The following GPD2 variants were observed in gnomAD, a reference collection of about 807,000 sequenced individuals.
GPD2 encodes the protein glycerol-3-phosphate dehydrogenase 2.
A neutral mutation model predicts 82.4 loss-of-function variants in GPD2; 54 were observed. The observed-to-expected ratio is 0.66, with a 90% confidence interval of 0.53 to 0.82. GPD2 has a LOEUF of 0.82. GPD2 is among the 40% of genes least tolerant of loss of function. The pLI is 0.00. For missense variants in GPD2, 748 were observed against 896.2 expected (o/e 0.83, Z 2.11); for synonymous variants, 288 against 306.1 (o/e 0.94, Z 0.62).
intron 3 of GPD2, among the ~76,000 whole-genome samples, chr2:156,502,175 AATCAAGG>A (rs1180431534): frequency 6.6e-6 from 1 of 152,026 alleles, no homozygotes; most frequent in Non-Finnish European, 1.5e-5. Flanking sequence ...ATTCCATGTG[AATCAAGG>A]ATGTAACTTT....
chr2:156,427,364 G>C, the GPD2 span, among the ~76,000 whole-genome samples: 1 of 152,178 alleles, frequency 6.6e-6, no homozygotes, highest in Admixed American at 6.5e-5. Context: ...AGTTACTGAA[G>C]TATTCTTTTG....
chr2:156,553,416 G>T (rs1392770360), intron 8 of GPD2, among the ~76,000 whole-genome samples: 1 of 151,938 alleles, frequency 6.6e-6, no homozygotes, highest in East Asian at 1.9e-4. Context: ...ACATTTATGA[G>T]ATTTTTTAAT....
At chr2:156,540,502 A>G (rs999215190) in intron 6 of GPD2, among the ~76,000 whole-genome samples, 10 of 152,202 alleles carry the variant, frequency 6.6e-5, no homozygotes, top group Non-Finnish European at 1.5e-4. Context: ...AAAACATGAG[A>G]CAGTTATCTG....
chr2:156,470,164 C>T (rs298260), intron 1 of GPD2, among the ~76,000 whole-genome samples: 149,088 of 152,262 alleles, frequency 0.98, 73,063 homozygotes, highest in East Asian at 1. Context: ...AGAGGAGTGA[C>T]AAATGTATTT....
chr2:156,578,834 G>T, intron 13 of GPD2, 55 bp from the exon 14 acceptor site: 1 of 1,043,538 alleles, frequency 9.6e-7, no homozygotes, highest in South Asian at 1.3e-5. Context: ...AAAAAAGGAG[G>T]AAAAAAATCA....
Position 156,585,280 on chromosome 2 carries a change from G to T in GPD2, c.*2362G>T, listed in dbSNP as rs962106071. ...TTCAAAATTCATTCCAAGCACAAAAGAAATTTTTTCCCTTTGCATATAAAC... is the reference window on the plus strand; with the variant it reads ...TTCAAAATTCATTCCAAGCACAAAATAAATTTTTTCCCTTTGCATATAAAC... On this transcript the variant is annotated 3_prime_UTR_variant, in exon 17 of 17. Transcript: ENST00000438166. 5 of 152,076 alleles carry T rather than the reference G, an allele frequency of 3.3e-5. No individual in the cohort carries two copies. The highest frequency in any genetic ancestry group is 9.7e-5 in the African/African-American group (4 of 41,362). The allele number at this position is 152,076 out of a possible 1,614,324, so 9.4% of individuals were successfully genotyped here. A position where few individuals can be genotyped will look rare whatever the true frequency, so the allele number is the denominator to read the frequency against.
At chr2:156,566,739 T>G (rs2105359380) in intron 9 of GPD2, among the ~76,000 whole-genome samples, 1 of 152,246 alleles carries the variant, frequency 6.6e-6, no homozygotes, top group Admixed American at 6.5e-5. Context: ...TTGCTAGATC[T>G]TATGGTAATT....
intron 2 of GPD2, among the ~76,000 whole-genome samples, chr2:156,493,216 C>G (rs1467886420): frequency 1.3e-5 from 2 of 151,982 alleles, no homozygotes; most frequent in African/African-American, 2.4e-5. Flanking sequence ...GAGTTGTCCC[C>G]CAGATGCCCA....
intron 9 of GPD2, among the ~76,000 whole-genome samples, chr2:156,567,167 C>G (rs771597594): frequency 6.6e-6 from 1 of 151,830 alleles, no homozygotes; most frequent in African/African-American, 2.4e-5. Flanking sequence ...TATGAGGTAC[C>G]TTTTCATTCT....
intron 2 of GPD2, among the ~76,000 whole-genome samples, chr2:156,491,512 C>G (rs1684173841): frequency 6.6e-6 from 1 of 152,148 alleles, no homozygotes. Flanking sequence ...AGCTTGTTCT[C>G]TTTTATTTCC....
chr2:156,545,590 G>A (rs1282492571), intron 6 of GPD2, among the ~76,000 whole-genome samples: 1 of 152,158 alleles, frequency 6.6e-6, no homozygotes, highest in African/African-American at 2.4e-5. Flanking sequence ...ATACTGGCAG[G>A]TAGATATCAG....
upstream of GPD2, among the ~76,000 whole-genome samples, chr2:156,433,835 G>A (rs558587231): frequency 6.6e-6 from 1 of 152,246 alleles, no homozygotes; most frequent in African/African-American, 2.4e-5. Flanking sequence ...CAGGCACTAT[G>A]CTAGGCACTA....
intron 13 of GPD2, among the ~76,000 whole-genome samples, chr2:156,575,359 G>A (rs1426557926): frequency 1.3e-5 from 2 of 151,470 alleles, no homozygotes; most frequent in East Asian, 3.9e-4. Flanking sequence ...GAATCACTTA[G>A]GCAAAATCAT....
At position 156,517,764 on chromosome 2, in the gene GPD2, T is replaced by C. The variant is rs998797121; in HGVS notation, c.661+4268T>C. Among the ~76,000 whole-genome samples, 8 of 152,162 alleles carry C rather than the reference T, an allele frequency of 5.3e-5. 1 individual carries two copies. Among genetic ancestry groups the C allele is most frequent in the Admixed American group, 5.2e-4 (8 of 15,278 alleles). ...TTTTCTCAGGAACTTATTTTTTTTT[T>C]CCTCTATTTGTTCCCAGAGTGGATC... On this transcript the variant is annotated intron_variant, in intron 6 of 16. Transcript: ENST00000438166.
chr2:156,425,089 A>T, the GPD2 span, among the ~76,000 whole-genome samples: 3,516 of 148,796 alleles, frequency 0.024, 57 homozygotes, highest in Non-Finnish European at 0.038. Flanking sequence ...TATTCATTTT[A>T]TTTTTTTTTT....
chr2:156,567,033 G>A (rs1176048949), intron 9 of GPD2, among the ~76,000 whole-genome samples: 1 of 151,802 alleles, frequency 6.6e-6, no homozygotes, highest in Non-Finnish European at 1.5e-5. Flanking sequence ...AATATTTATT[G>A]AAGTCTTTCA....
chr2:156,400,766 C>T, the GPD2 span, among the ~76,000 whole-genome samples: 5 of 152,206 alleles, frequency 3.3e-5, no homozygotes, highest in Non-Finnish European at 4.4e-5. Flanking sequence ...ATGCTTTCGG[C>T]TGGGGGATGT....
At position 156,583,664 on chromosome 2, in the gene GPD2, T is replaced by C. The variant is rs1237763474; in HGVS notation, c.*746T>C. ...AGTTTCATCTCAGCAGTTCATTTTT[T>C]TCTTCAGTCACTGCTGGTTTTCTTT... is the stretch of plus-strand genomic sequence containing the variant. On this transcript the variant is annotated 3_prime_UTR_variant, in exon 17 of 17. Transcript: ENST00000438166. The C allele has an allele frequency of 6.6e-6, 1 of 152,592 alleles. No homozygotes were observed. The highest frequency in any genetic ancestry group is 1.5e-5 in the Non-Finnish European group (1 of 68,066). The allele number at this position is 152,592 out of a possible 1,614,324, so 9.5% of individuals were successfully genotyped here.
chr2:156,492,748 G>A lies in GPD2; in HGVS notation c.103-3296G>A, dbSNP rs1015981551. ...GACTAGATATGGAAATGTTTTAGAA[G>A]ATGGAACTGATAAACTCAGTGATTG... On this transcript the variant is annotated intron_variant, in intron 2 of 16. Transcript: ENST00000438166. 2.0e-5 allele frequency among the ~76,000 whole-genome samples: 3 copies of A among 152,232 alleles called. No individual in the cohort carries two copies. In the East Asian group the frequency reaches 5.8e-4, roughly 29 times the overall value.
Sources: gnomAD v4.1 joint callset for allele counts (sites outside exome capture counted in the v4.1 genomes callset) on GRCh38, gnomAD v4.1.1 for gene constraint, MANE v1.5 for transcripts, NCBI Gene and HGNC (gene_info 2026-07-23, HGNC 2026-07-21) for gene names.